Variants in PYROXD2 observed in about 807,000 individuals in gnomAD.
PYROXD2 encodes the protein pyridine nucleotide-disulfide oxidoreductase domain-containing protein 2.
A neutral mutation model predicts 71.1 loss-of-function variants in PYROXD2; 69 were observed. The ratio of observed to expected loss-of-function variants is 0.97; its 90% CI spans 0.80 to 1.19. The LOEUF (loss-of-function observed/expected upper bound fraction) is 1.19, where lower values mean the gene tolerates loss of function less well. Among genes scored for constraint, PYROXD2 ranks in the 50% most tolerant of loss-of-function variants. PYROXD2 has a pLI of 0.00. For synonymous variants in PYROXD2, 287 were observed against 302.7 expected (o/e 0.95, Z 0.54); for missense variants, 745 against 748.9 (o/e 0.99, Z 0.06).
At chr10:98,412,327 T>G (rs1196504079) in intron 1 of PYROXD2, among the ~76,000 whole-genome samples, 2 of 152,178 alleles carry the variant, frequency 1.3e-5, no homozygotes, top group African/African-American at 4.8e-5. Context: ...GTGACACCTC[T>G]GTTCCCTTGA....
intron 12 of PYROXD2, among the ~76,000 whole-genome samples, chr10:98,389,236 C>T (rs577198073): frequency 1.1e-4 from 16 of 152,208 alleles, no homozygotes; most frequent in South Asian, 2.1e-4. Flanking sequence ...ATTTCACAGT[C>T]GCTCCTTTTT....
In PYROXD2 at chr10:98,387,313, G is replaced by A. The variant is rs1330078296; in HGVS notation, c.1448-6C>T. 1.9e-6 allele frequency: 3 copies of A among 1,608,330 alleles called. No homozygotes were observed. The highest frequency in any genetic ancestry group is 3.3e-5 in the Admixed American group (2 of 59,954). On this transcript the variant is annotated splice_region_variant and splice_polypyrimidine_tract_variant and intron_variant, in intron 13 of 15. Transcript: ENST00000370575. ...GACCTCGATGCAATCAAACACTGGGGTGCCAAAAACAGAGAAATGAGATGG... is the reference window on the plus strand; with the variant it reads ...GACCTCGATGCAATCAAACACTGGGATGCCAAAAACAGAGAAATGAGATGG...
intron 2 of PYROXD2, among the ~76,000 whole-genome samples, chr10:98,408,822 T>C (rs1428934199): frequency 1.3e-5 from 2 of 152,254 alleles, no homozygotes; most frequent in Admixed American, 1.3e-4. Context: ...GCAGCTATTA[T>C]GTGCCAGAAG....
chr10:98,414,703 A>C, intron 1 of PYROXD2: 1 of 279,836 alleles, frequency 3.6e-6, no homozygotes. Context: ...GTCACTTTGC[A>C]AGAGATATAG....
chr10:98,402,952 T>A (rs1024872383), intron 4 of PYROXD2, among the ~76,000 whole-genome samples: 2 of 152,194 alleles, frequency 1.3e-5, no homozygotes, highest in African/African-American at 4.8e-5. Flanking sequence ...GCAGACAAGG[T>A]ATGGCCCCAG....
rs12255457 is a variant in PYROXD2, at chr10:98,388,264, A to G, written c.1447+90T>C. The G allele has an allele frequency of 3.7e-4, 495 of 1,345,294 alleles. 1 individual carries two copies. The African/African-American group carries it at 6.4e-3, about 17-fold the overall frequency. 83.3% of individuals were successfully genotyped at this position (1,345,294 alleles called of 1,614,324 possible). ...CTTTGGAATGGCACCTGCAGTTGTCAATCCTGAATGGGGCAGTGAGGAGGA... is the reference window on the plus strand; with the variant it reads ...CTTTGGAATGGCACCTGCAGTTGTCGATCCTGAATGGGGCAGTGAGGAGGA... On this transcript the variant is annotated intron_variant, in intron 13 of 15. Coordinates refer to ENST00000370575, the MANE Select transcript of PYROXD2 (RefSeq NM_032709.3).
At chr10:98,407,285 C>T (rs112325855) in intron 4 of PYROXD2, among the ~76,000 whole-genome samples, 75 of 152,334 alleles carry the variant, frequency 4.9e-4, no homozygotes, top group African/African-American at 1.7e-3. Context: ...TAAGCTCAGG[C>T]GCCCAAGGCT....
chr10:98,394,710 C>G (rs1374400433), intron 8 of PYROXD2, among the ~76,000 whole-genome samples: 1 of 152,076 alleles, frequency 6.6e-6, no homozygotes, highest in Admixed American at 6.6e-5. Context: ...AGGCAGCTTC[C>G]TGTCCATCCT....
At chr10:98,397,779 C>T (rs915369456) in intron 5 of PYROXD2, among the ~76,000 whole-genome samples, 3 of 151,972 alleles carry the variant, frequency 2.0e-5, no homozygotes, top group Non-Finnish European at 1.5e-5. Flanking sequence ...CTGGCTAACA[C>T]GAAGTGTCAC....
chr10:98,387,633 T>C (rs768528436), intron 13 of PYROXD2, among the ~76,000 whole-genome samples: 1 of 48,088 alleles, frequency 2.1e-5, no homozygotes, highest in African/African-American at 1.3e-4. Context: ...TGTTTTTTTT[T>C]TTTTTTTTTT....
intron 4 of PYROXD2, 55 bp downstream of exon 4, chr10:98,407,527 G>T: frequency 6.2e-7 from 1 of 1,602,622 alleles, no homozygotes; most frequent in Non-Finnish European, 8.5e-7. Context: ...ACACAGGTTG[G>T]GAAGATGGAA....
chr10:98,407,640 C>A lies in PYROXD2; in HGVS notation c.257G>T (p.Arg86Leu), dbSNP rs570922708. Residue 86 changes from arginine (R) to leucine (L), a missense_variant, in exon 4 of 16, where the codon CGC becomes CTC. Transcript: ENST00000370575. The part of the protein sequence containing the change: ...EEIIPGFKFS[R>L]ASYLLSLLRP... ...CAGCAGGCTGAGCAGGTAGGACGCG[C>A]GGGAGAACTTAAACCCTGAAACCGA... The A allele has an allele frequency of 6.2e-7, 1 of 1,613,922 alleles. No individual in the cohort carries two copies. The highest frequency in any genetic ancestry group is 8.5e-7 in the Non-Finnish European group (1 of 1,179,988).
chr10:98,407,352 TC>T (rs1352386718), intron 4 of PYROXD2, among the ~76,000 whole-genome samples: 1 of 152,098 alleles, frequency 6.6e-6, no homozygotes, highest in Admixed American at 6.5e-5. Flanking sequence ...TCAAAAGAAG[TC>T]TGATTTTTGG....
rs1057328055 is a variant in PYROXD2, at chr10:98,384,000, T to G, written c.1676-132A>C. The G allele has an allele frequency of 1.3e-4, 101 of 756,060 alleles. No homozygotes were observed. The East Asian group carries it at 2.5e-3, about 19-fold the overall frequency. 46.8% of individuals were successfully genotyped at this position (756,060 alleles called of 1,614,324 possible). ...TAGAGGGGTCCGGGGGCATGGGCAC[T>G]GGAATCACCTAAGACAGCCGCTCAA... On this transcript the variant is annotated intron_variant, in intron 15 of 15. Transcript: ENST00000370575.
At chr10:98,397,611 C>T (rs10786418) in intron 5 of PYROXD2, 113 bp from the exon 6 acceptor site, 434,295 of 1,322,900 alleles carry the variant, frequency 0.33, 73,203 homozygotes, top group South Asian at 0.45. Context: ...CCTCATTCCC[C>T]GCTGTGGCCC....
chr10:98,407,299 G>T (rs1843630289), intron 4 of PYROXD2, among the ~76,000 whole-genome samples: 1 of 152,234 alleles, frequency 6.6e-6, no homozygotes, highest in African/African-American at 2.4e-5. Context: ...CAAGGCTTCA[G>T]ATAGGTGTCC....
rs1269188854 is a variant in PYROXD2, at chr10:98,390,704, C to T, written c.1186G>A (p.Gly396Ser). 5.0e-6 allele frequency: 8 copies of T among 1,611,518 alleles called. No homozygotes were observed. Among genetic ancestry groups the T allele is most frequent in the Admixed American group, 1.7e-5 (1 of 59,612 alleles). ...CATTGGTGATGGGGCAGCGGCTGGCCCCTGGGAGCATTGGGGGCCGCCAGG... is the reference window on the plus strand; with the variant it reads ...CATTGGTGATGGGGCAGCGGCTGGCTCCTGGGAGCATTGGGGGCCGCCAGG... ...SFLAAPNAPR[G>S]QPLPHHQCSI... is the part of the protein sequence containing the mutation. Residue 396 changes from glycine to serine, a missense_variant, in exon 12 of 16, where the codon GGC becomes AGC. Coordinates refer to ENST00000370575, the MANE Select transcript of PYROXD2 (RefSeq NM_032709.3).
chr10:98,414,931 C>T (rs1268529836), intron 1 of PYROXD2, 78 bp downstream of exon 1: 10 of 1,552,660 alleles, frequency 6.4e-6, no homozygotes, highest in Middle Eastern at 1.7e-4. Context: ...TTGGCTCCCC[C>T]TCCCCCTCCC....
At chr10:98,401,720 A>T (rs1272657088) in intron 4 of PYROXD2, among the ~76,000 whole-genome samples, 1 of 151,996 alleles carries the variant, frequency 6.6e-6, no homozygotes, top group Non-Finnish European at 1.5e-5. Flanking sequence ...GCAAACACAC[A>T]CATCAGCCTA....
Sources: gnomAD v4.1 joint callset for allele counts (sites outside exome capture counted in the v4.1 genomes callset) on GRCh38, gnomAD v4.1.1 for gene constraint, MANE v1.5 for transcripts, NCBI Gene and HGNC (gene_info 2026-07-23, HGNC 2026-07-21) for gene names.